Variants in SPIDR observed in about 807,000 individuals in gnomAD.
SPIDR encodes scaffold protein involved in DNA repair.
SPIDR carries 93 observed loss-of-function variants against 104.6 expected under a neutral mutation model. That is an observed-to-expected ratio of 0.89 (90% CI 0.75 to 1.06). The LOEUF (loss-of-function observed/expected upper bound fraction) is 1.06. Among genes scored for constraint, SPIDR ranks in the 50% least tolerant of loss-of-function variants. The probability of loss-of-function intolerance (pLI) is 0.00; values close to 1 mark genes in which losing one functional copy is unlikely to be tolerated. For missense variants in SPIDR, 1,154 were observed against 1,111.2 expected (o/e 1.04, Z -0.55); for synonymous variants, 431 against 416.9 (o/e 1.03, Z -0.41).
Position 47,319,184 on chromosome 8 carries a change from G to A in SPIDR, c.525+25154G>A, listed in dbSNP as rs535611374. On this transcript the variant is annotated intron_variant, in intron 5 of 19. Coordinates refer to ENST00000297423, the MANE Select transcript of SPIDR (RefSeq NM_001080394.4). ...AAAGAGTCAAGACCCATCAGTGTGCGGTATTCAGGAAACCCATCTCATGTG... is the reference window on the plus strand; with the variant it reads ...AAAGAGTCAAGACCCATCAGTGTGCAGTATTCAGGAAACCCATCTCATGTG... Among the ~76,000 whole-genome samples the A allele has an allele frequency of 1.6e-4, 24 of 152,158 alleles. 1 individual carries two copies. Among genetic ancestry groups the A allele is most frequent in the Admixed American group, 7.9e-4 (12 of 15,270 alleles).
intron 5 of SPIDR, among the ~76,000 whole-genome samples, chr8:47,319,153 T>C (rs1464806377): frequency 6.6e-6 from 1 of 151,994 alleles, no homozygotes; most frequent in Non-Finnish European, 1.5e-5. Context: ...GACTGGCAAA[T>C]TGGATAAAGA....
intron 5 of SPIDR, among the ~76,000 whole-genome samples, chr8:47,349,091 T>C (rs1482116425): frequency 3.9e-5 from 6 of 152,242 alleles, no homozygotes; most frequent in African/African-American, 1.2e-4. Flanking sequence ...TGTGGTTTTA[T>C]CTACCTTTGG....
At chr8:47,683,343 C>A (rs1230942434) in intron 11 of SPIDR, among the ~76,000 whole-genome samples, 2 of 152,200 alleles carry the variant, frequency 1.3e-5, no homozygotes, top group Non-Finnish European at 2.9e-5. Context: ...GGCATTTACA[C>A]TCCAGAGAGC....
intron 10 of SPIDR, among the ~76,000 whole-genome samples, chr8:47,644,271 G>GT (rs1173498573): frequency 6.6e-6 from 1 of 152,208 alleles, no homozygotes; most frequent in Non-Finnish European, 1.5e-5. Flanking sequence ...GGCAGGAAGG[G>GT]TTAGGTAGGA....
At chr8:47,649,724 G>GA (rs999356788) in intron 10 of SPIDR, among the ~76,000 whole-genome samples, 4 of 151,774 alleles carry the variant, frequency 2.6e-5, no homozygotes, top group Non-Finnish European at 4.4e-5. Flanking sequence ...TAATTCAGGG[G>GA]AAAAAAACAT....
intron 5 of SPIDR, 72 bp downstream of exon 5, chr8:47,294,102 T>TG: frequency 1.3e-6 from 2 of 1,535,120 alleles, no homozygotes; most frequent in South Asian, 1.3e-5. Context: ...ATTTTTTTTT[T>TG]TGTTTTTTTT....
intron 8 of SPIDR, among the ~76,000 whole-genome samples, chr8:47,498,535 A>G (rs1426562786): frequency 1.3e-5 from 2 of 152,176 alleles, no homozygotes; most frequent in Non-Finnish European, 2.9e-5. Flanking sequence ...ACCTTCCCAG[A>G]TAGTCTCTAG....
intron 7 of SPIDR, among the ~76,000 whole-genome samples, chr8:47,408,438 T>A (rs2063052648): frequency 6.6e-6 from 1 of 152,124 alleles, no homozygotes; most frequent in African/African-American, 2.4e-5. Context: ...CTTAGCAAAA[T>A]TTTAAGAATA....
chr8:47,581,668 A>G (rs950799809), intron 8 of SPIDR, among the ~76,000 whole-genome samples: 1 of 152,170 alleles, frequency 6.6e-6, no homozygotes, highest in Non-Finnish European at 1.5e-5. Context: ...CCTTCCATGA[A>G]AAGAAAAATG....
At chr8:47,618,788 A>C (rs2064715009) in intron 10 of SPIDR, among the ~76,000 whole-genome samples, 2 of 152,244 alleles carry the variant, frequency 1.3e-5, no homozygotes, top group South Asian at 4.1e-4. Flanking sequence ...GTTTAGGAAC[A>C]ATATCAATGT....
At chr8:47,269,778 G>A (rs1411887184) in intron 1 of SPIDR, among the ~76,000 whole-genome samples, 4 of 152,072 alleles carry the variant, frequency 2.6e-5, no homozygotes, top group Admixed American at 6.6e-5. Flanking sequence ...TATTCTGTAT[G>A]ATGTTAGCTG....
intron 7 of SPIDR, among the ~76,000 whole-genome samples, chr8:47,411,546 C>G (rs1242193487): frequency 2.6e-5 from 4 of 152,120 alleles, no homozygotes; most frequent in African/African-American, 9.7e-5. Context: ...ATTGTAGATT[C>G]TGGATATTAG....
At chr8:47,575,010 A>T (rs74970932) in intron 8 of SPIDR, among the ~76,000 whole-genome samples, 1 of 152,242 alleles carries the variant, frequency 6.6e-6, no homozygotes, top group Non-Finnish European at 1.5e-5. Flanking sequence ...GTTCAACTAG[A>T]ATTTTTAAAC....
intron 1 of SPIDR, among the ~76,000 whole-genome samples, chr8:47,264,486 T>C (rs1554545083): frequency 6.6e-6 from 1 of 152,166 alleles, no homozygotes; most frequent in East Asian, 1.9e-4. Context: ...CTCTCCTCCA[T>C]GAGTTTCTCC....
At chr8:47,671,013 G>T (rs909835856) in intron 10 of SPIDR, among the ~76,000 whole-genome samples, 12 of 151,998 alleles carry the variant, frequency 7.9e-5, no homozygotes, top group Non-Finnish European at 8.8e-5. Flanking sequence ...GGGCTCAAGG[G>T]ATCCTCCCAC....
intron 5 of SPIDR, among the ~76,000 whole-genome samples, chr8:47,378,124 G>T (rs7839055): frequency 0.11 from 16,482 of 152,086 alleles, 1,244 homozygotes; most frequent in African/African-American, 0.22. Flanking sequence ...CACTACCTTT[G>T]ACATTTCTAG....
At chr8:47,314,671 C>G (rs782398936) in intron 5 of SPIDR, among the ~76,000 whole-genome samples, 1 of 152,158 alleles carries the variant, frequency 6.6e-6, no homozygotes, top group Admixed American at 6.5e-5. Flanking sequence ...CACCAGGTCC[C>G]TTCCACGACG....
At chr8:47,488,951 A>G (rs2078179640) in intron 8 of SPIDR, among the ~76,000 whole-genome samples, 1 of 152,198 alleles carries the variant, frequency 6.6e-6, no homozygotes, top group Non-Finnish European at 1.5e-5. Context: ...CAAGACAGGG[A>G]TGCCCTCTCT....
chr8:47,642,415 CAAAAAAAAA>C (rs56227753), intron 10 of SPIDR, among the ~76,000 whole-genome samples: 1 of 58,000 alleles, frequency 1.7e-5, no homozygotes, highest in East Asian at 5.2e-4. Flanking sequence ...GACTCCGTCT[CAAAAAAAAA>C]AAAAAAAAGA....
Sources: allele counts gnomAD v4.1 joint callset (sites outside exome capture counted in the v4.1 genomes callset), GRCh38; gene constraint gnomAD v4.1.1; transcripts MANE v1.5; gene names NCBI Gene and HGNC (gene_info 2026-07-23, HGNC 2026-07-21).